Variants in GATA4 observed in about 807,000 individuals in gnomAD.
GATA4 encodes the protein GATA binding protein 4.
A neutral mutation model predicts 37.9 loss-of-function variants in GATA4; 7 were observed. The observed-to-expected ratio is 0.18, with a 90% CI of 0.11 to 0.35. The LOEUF (loss-of-function observed/expected upper bound fraction) is 0.35, where lower values mean the gene tolerates loss of function less well. Among genes scored for constraint, GATA4 ranks in the 10% least tolerant of loss-of-function variants. The pLI, the probability that GATA4 is intolerant of heterozygous loss-of-function variation, is 1.00. For missense variants in GATA4, 647 were observed against 653.0 expected (o/e 0.99, Z 0.10); for synonymous variants, 372 against 292.6 (o/e 1.27, Z -2.77).
intron 1 of GATA4, chr8:11,697,650 A>G: frequency 1.0e-6 from 1 of 985,430 alleles, no homozygotes; most frequent in Non-Finnish European, 1.2e-6. Flanking sequence ...CCCCCCTTTC[A>G]GAGGACCCCG....
chr8:11,747,628 A>G (rs1802096465), intron 2 of GATA4, among the ~76,000 whole-genome samples: 1 of 152,212 alleles, frequency 6.6e-6, no homozygotes, highest in Non-Finnish European at 1.5e-5. Flanking sequence ...GAACTGAAAA[A>G]GAAATTTAGT....
rs28427543 is a variant in GATA4, at chr8:11,684,875, G to C, written c.-274+7812G>C. On this transcript the variant is annotated intron_variant, in intron 1 of 6. Coordinates refer to the GATA4 transcript ENST00000528712. ...CACTGATAAATATGTTTTTTATTTA[G>C]CTTAGCCAAAATTGACTGCTGCTGG... Among the ~76,000 whole-genome samples, 405 of 152,232 alleles carry C rather than the reference G, an allele frequency of 2.7e-3. 1 individual carries two copies. Among genetic ancestry groups the C allele is most frequent in the African/African-American group, 9.3e-3 (385 of 41,550 alleles).
At chr8:11,693,013 C>A (rs760302963) in intron 1 of GATA4, 1 of 985,230 alleles carries the variant, frequency 1.0e-6, no homozygotes, top group Admixed American at 6.1e-5. Context: ...GGCCGCGCAC[C>A]GAGGCTTCTG....
At chr8:11,679,597 G>T (rs1388786969) in intron 1 of GATA4, among the ~76,000 whole-genome samples, 1 of 152,180 alleles carries the variant, frequency 6.6e-6, no homozygotes, top group African/African-American at 2.4e-5. Context: ...AGAGGAGCTG[G>T]GCGCGCGGCC....
upstream of GATA4, among the ~76,000 whole-genome samples, chr8:11,689,467 A>G (rs1012484941): frequency 3.3e-5 from 5 of 152,220 alleles, no homozygotes; most frequent in African/African-American, 1.2e-4. Context: ...GAGAATCAGA[A>G]CAAGGACCCA....
At chr8:11,746,919 T>C (rs986847034) in intron 2 of GATA4, among the ~76,000 whole-genome samples, 6 of 152,218 alleles carry the variant, frequency 3.9e-5, no homozygotes, top group African/African-American at 1.4e-4. Flanking sequence ...CAGCTACCTG[T>C]TTGCAGGTGC....
At chr8:11,754,135 G>T (rs1382819107) in intron 4 of GATA4, among the ~76,000 whole-genome samples, 1 of 152,248 alleles carries the variant, frequency 6.6e-6, no homozygotes, top group Non-Finnish European at 1.5e-5. Flanking sequence ...GCTGCAATAA[G>T]TAGAGTGATG....
chr8:11,710,808 A>G (rs1046282279), intron 2 of GATA4, among the ~76,000 whole-genome samples: 48 of 151,846 alleles, frequency 3.2e-4, no homozygotes, highest in African/African-American at 9.9e-4. Context: ...AAAAGTCATG[A>G]GTTACATCCA....
At chr8:11,698,179 C>G (rs1799564069) in intron 1 of GATA4, among the ~76,000 whole-genome samples, 2 of 152,220 alleles carry the variant, frequency 1.3e-5, no homozygotes, top group African/African-American at 4.8e-5. Context: ...GGTCTGTGGT[C>G]TCTCTCCTTT....
chr8:11,688,738 C>G (rs1799221390), upstream of GATA4, among the ~76,000 whole-genome samples: 1 of 152,166 alleles, frequency 6.6e-6, no homozygotes, highest in Admixed American at 6.5e-5. Flanking sequence ...AGTGACATAT[C>G]TTTCTCATGA....
At chr8:11,719,712 A>G (rs1002409580) in intron 2 of GATA4, among the ~76,000 whole-genome samples, 3 of 152,226 alleles carry the variant, frequency 2.0e-5, no homozygotes, top group African/African-American at 7.2e-5. Flanking sequence ...GTTACTGTTT[A>G]AAGTCATTTC....
At chr8:11,754,857 T>C (rs1362252058) in intron 4 of GATA4, among the ~76,000 whole-genome samples, 189 bp from the exon 5 acceptor site, 2 of 152,230 alleles carry the variant, frequency 1.3e-5, no homozygotes, top group African/African-American at 4.8e-5. Flanking sequence ...AGGTGCTCGA[T>C]AAGTTTTTTA....
chr8:11,690,488 A>G (rs1799275464), upstream of GATA4, among the ~76,000 whole-genome samples: 1 of 152,200 alleles, frequency 6.6e-6, no homozygotes, highest in Admixed American at 6.5e-5. Flanking sequence ...AAACTAAAAT[A>G]CAGTGTGATA....
intron 2 of GATA4, among the ~76,000 whole-genome samples, chr8:11,740,570 A>C (rs748292277): frequency 6.6e-6 from 1 of 152,216 alleles, no homozygotes; most frequent in Non-Finnish European, 1.5e-5. Context: ...GGAGGCCCCC[A>C]TGAAAACTCC....
chr8:11,684,415 C>T (rs1799074943), intron 1 of GATA4, among the ~76,000 whole-genome samples: 1 of 152,148 alleles, frequency 6.6e-6, no homozygotes, highest in East Asian at 1.9e-4. Context: ...ACATCTTTTT[C>T]AAAGATAAAA....
intron 2 of GATA4, among the ~76,000 whole-genome samples, chr8:11,731,400 C>T (rs1036980360): frequency 2.0e-5 from 3 of 152,186 alleles, no homozygotes; most frequent in Non-Finnish European, 4.4e-5. Context: ...TATTACTCAG[C>T]CTTAAAAAGG....
In GATA4 at chr8:11,708,904, C is replaced by G; in HGVS notation, c.592C>G (p.Pro198Ala). 1 of 1,527,752 alleles carries G rather than the reference C, an allele frequency of 6.5e-7. No individual in the cohort carries two copies. Among genetic ancestry groups the G allele is most frequent in the Non-Finnish European group, 8.7e-7 (1 of 1,143,698 alleles). The allele number at this position is 1,527,752 out of a possible 1,614,324, so 94.6% of individuals were successfully genotyped here. A position where few individuals can be genotyped will look rare whatever the true frequency, so the allele number is the denominator to read the frequency against. ...GCACAGCCTGCCCGGCCGGGCCAAC[C>G]CGGCCGCCCGACACCCCAATCTCGG... ...VLHSLPGRAN[P>A]AARHPNLVDM... is the part of the protein sequence containing the mutation. The change falls in exon 2 of 7, where the codon CCG becomes GCG. Residue 198 changes from proline (P) to alanine (A), a missense_variant. Around this residue, in one of 5 missense-constraint regions of GATA4, gnomAD observed 379 missense variants for 334.5 expected, o/e 1.13. Coordinates refer to ENST00000532059, the MANE Select transcript of GATA4 (RefSeq NM_001308093.3). This position sits in a 1 kb window ranked among gnomAD's most constrained non-coding sequence, Gnocchi z 6.7.
chr8:11,744,107 G>C (rs568098146), intron 2 of GATA4, among the ~76,000 whole-genome samples: 60 of 152,292 alleles, frequency 3.9e-4, no homozygotes, highest in African/African-American at 1.4e-3. Flanking sequence ...TGAGAGCACA[G>C]ACAATTCTGA....
chr8:11,705,248 CGAGAGCAG>C (rs546595816), intron 1 of GATA4, among the ~76,000 whole-genome samples: 214 of 152,322 alleles, frequency 1.4e-3, no homozygotes, highest in African/African-American at 5.1e-3. Flanking sequence ...GGAAGACAAC[CGAGAGCAG>C]GTTTCAGGCT....
Sources: gnomAD v4.1 joint callset for allele counts (sites outside exome capture counted in the v4.1 genomes callset) on GRCh38, gnomAD v4.1.1 for gene constraint, gnomAD v4.1.1 regional missense constraint, Gnocchi (gnomAD v3.1) non-coding constraint, MANE v1.5 for transcripts, NCBI Gene and HGNC (gene_info 2026-07-23, HGNC 2026-07-21) for gene names.